MEGF6: variants seen among roughly 807,000 people sequenced by gnomAD.
MEGF6 encodes multiple EGF like domains 6.
MEGF6 carries 184 observed loss-of-function variants against 207.1 expected under a neutral mutation model. That is an observed-to-expected ratio of 0.89 (90% CI 0.79 to 1.00). The LOEUF (loss-of-function observed/expected upper bound fraction) is 1.00. Among genes scored for constraint, MEGF6 ranks in the 50% least tolerant of loss-of-function variants. The pLI, the probability that MEGF6 is intolerant of heterozygous loss-of-function variation, is 0.00. For missense variants in MEGF6, 2,282 were observed against 2,202.9 expected, an observed-to-expected ratio of 1.04 and a Z score of -0.72; for synonymous variants, 1,038 against 910.0, an observed-to-expected ratio of 1.14 and a Z score of -2.53.
chr1:3,496,867 A>G lies in MEGF6; in HGVS notation c.3614-84T>C, dbSNP rs1044309525. ...AACACAGCAAGGCAGCTCTCATGAG[A>G]CCCCCACACCCTCCATCTTCCACCC... On this transcript the variant is annotated intron_variant, in intron 28 of 36. Transcript: ENST00000356575. 3.3e-6 allele frequency: 5 copies of G among 1,515,668 alleles called. No individual in the cohort carries two copies. In the African/African-American group the frequency reaches 6.9e-5, roughly 21 times the overall value. The allele number at this position is 1,515,668 out of a possible 1,614,324, so 93.9% of individuals were successfully genotyped here.
At position 3,489,320 on chromosome 1, in the gene MEGF6, G is replaced by C. The variant is rs1211615273; in HGVS notation, c.*1208C>G. ...CCTCAGCTACCTTGGCTGGTTTTAG[G>C]GTGATGGGGGCGGCAGCCCAGACCC... On this transcript the variant is annotated 3_prime_UTR_variant, in exon 37 of 37. Coordinates refer to ENST00000356575, the MANE Select transcript of MEGF6 (RefSeq NM_001409.4). Among the ~76,000 whole-genome samples, 2 of 152,242 alleles carry C rather than the reference G, an allele frequency of 1.3e-5. No homozygotes were observed. Among genetic ancestry groups the C allele is most frequent in the South Asian group, 4.1e-4 (2 of 4,838 alleles).
chr1:3,624,779 CGTT>C, the MEGF6 span: 18 of 193,082 alleles, frequency 9.3e-5, 1 homozygote, highest in South Asian at 3.4e-3. Context: ...CGCCCCTTCT[CGTT>C]GTGTAAACAG....
rs1266565883 is a variant in MEGF6 at position 3,556,304 on chromosome 1, G to A, written c.481+23521C>T. On this transcript the variant is annotated intron_variant, in intron 4 of 36. Transcript: ENST00000356575. The surrounding 1 kb of genome is among the most constrained non-coding windows in gnomAD (Gnocchi z 4.4). ...AGGCCAGGTCAGAATTAAACTCCAT[G>A]ATCTTGGCACAAAGACACCCCCATG... 6.6e-6 allele frequency among the ~76,000 whole-genome samples: 1 copy of A among 152,242 alleles called. No individual in the cohort carries two copies. Among genetic ancestry groups the A allele is most frequent in the African/African-American group, 2.4e-5 (1 of 41,464 alleles).
chr1:3,493,704 C>A, intron 34 of MEGF6, 67 bp downstream of exon 34: 1 of 1,572,266 alleles, frequency 6.4e-7, no homozygotes, highest in Non-Finnish European at 8.7e-7. Flanking sequence ...TAGGGCCCAA[C>A]CAATCAATAT....
intron 8 of MEGF6, 77 bp from the exon 9 acceptor site, chr1:3,511,764 C>T: frequency 1.3e-6 from 2 of 1,550,218 alleles, no homozygotes; most frequent in Non-Finnish European, 1.7e-6. Flanking sequence ...CCCCTACCTC[C>T]ACCCAGCAGC....
At chr1:3,533,428 G>T (rs778222641) in intron 4 of MEGF6, among the ~76,000 whole-genome samples, 4 of 152,220 alleles carry the variant, frequency 2.6e-5, no homozygotes, top group African/African-American at 9.6e-5. Context: ...CACCTTCCAC[G>T]CAGGGCAACA....
chr1:3,509,978 C>A lies in MEGF6; in HGVS notation c.1249G>T (p.Ala417Ser), dbSNP rs368634962. The part of the protein sequence containing the change: ...GCGCEDVDEC[A>S]SSRGGCEHHC... ...TGCTCGCAGCCGCCACGGCTGGAGG[C>A]GCACTCATCCACATCTGCGGGCGAC... Residue 417 changes from alanine (A) to serine (S), a missense_variant, in exon 11 of 37, where the codon GCC becomes TCC. By Grantham distance (99) the Ala-to-Ser change is moderately conservative (BLOSUM62 1). Transcript: ENST00000356575. 2 of 1,585,430 alleles carry A rather than the reference C, an allele frequency of 1.3e-6. No homozygotes were observed. The highest frequency in any genetic ancestry group is 1.8e-5 in the Admixed American group (1 of 56,596).
chr1:3,543,396 G>A (rs967674331), intron 4 of MEGF6, among the ~76,000 whole-genome samples: 1 of 152,168 alleles, frequency 6.6e-6, no homozygotes, highest in African/African-American at 2.4e-5. Context: ...GGCACCCCCT[G>A]AGCCATGCGC....
At chr1:3,538,462 G>A (rs1001594098) in intron 4 of MEGF6, among the ~76,000 whole-genome samples, 1 of 152,166 alleles carries the variant, frequency 6.6e-6, no homozygotes, top group Admixed American at 6.5e-5. Context: ...TGAAACCACC[G>A]CTGTTTCCGC....
intron 5 of MEGF6, among the ~76,000 whole-genome samples, chr1:3,518,752 T>C (rs897993314): frequency 6.6e-6 from 1 of 152,134 alleles, no homozygotes; most frequent in African/African-American, 2.4e-5. Flanking sequence ...TTTCTAGATC[T>C]TGAGTCTCCT....
upstream of MEGF6, among the ~76,000 whole-genome samples, chr1:3,612,578 A>T (rs540232169): frequency 6.6e-6 from 1 of 152,238 alleles, no homozygotes; most frequent in Non-Finnish European, 1.5e-5. Flanking sequence ...CTCATTAGCC[A>T]CACAAAGAGC....
chr1:3,501,861 G>A lies in MEGF6; in HGVS notation c.2249C>T (p.Pro750Leu), dbSNP rs767882443. Residue 750 changes from proline to leucine, a missense_variant, in exon 18 of 37, where the codon CCC becomes CTC. Physicochemically the swap from Pro to Leu is moderately conservative, Grantham distance 98 (BLOSUM62 -3). Transcript: ENST00000356575. Reference sequence around the variant, plus strand: ...GCACTGCCCCGTGACCCCGTGGCAGGGGGCCCCCCCACAGGAGCAGGAGCT... The same window carrying A: ...GCACTGCCCCGTGACCCCGTGGCAGAGGGCCCCCCCACAGGAGCAGGAGCT... ...CSSSCSCGGA[P>L]CHGVTGQCRC... 3 of 1,608,472 alleles carry A rather than the reference G, an allele frequency of 1.9e-6. No homozygotes were observed. Among genetic ancestry groups the A allele is most frequent in the Middle Eastern group, 1.7e-4 (1 of 6,042 alleles).
intron 2 of MEGF6, among the ~76,000 whole-genome samples, chr1:3,598,132 G>A (rs1014973743): frequency 6.6e-6 from 1 of 152,188 alleles, no homozygotes; most frequent in African/African-American, 2.4e-5. Context: ...TGCAGGGGCG[G>A]TGACCAGGGG....
At chr1:3,540,449 C>A (rs566484374) in intron 4 of MEGF6, among the ~76,000 whole-genome samples, 1 of 152,238 alleles carries the variant, frequency 6.6e-6, no homozygotes, top group East Asian at 1.9e-4. Flanking sequence ...GCTTTGCAAC[C>A]GGAAGGCCCA....
At chr1:3,503,915 C>T (rs778895250) in intron 17 of MEGF6, among the ~76,000 whole-genome samples, 2 of 152,166 alleles carry the variant, frequency 1.3e-5, no homozygotes, top group African/African-American at 2.4e-5. Flanking sequence ...TCTGCCAGTC[C>T]AGGTCAGGAG....
chr1:3,578,969 C>T (rs1179733084), intron 4 of MEGF6, among the ~76,000 whole-genome samples: 22 of 152,218 alleles, frequency 1.4e-4, no homozygotes, highest in Admixed American at 1.2e-3. Flanking sequence ...CCGATTTCCT[C>T]GAATCGCTTC....
At chr1:3,501,720 C>T (rs533973473) in intron 18 of MEGF6, 76 bp downstream of exon 18, 2 of 1,539,470 alleles carry the variant, frequency 1.3e-6, no homozygotes, top group African/African-American at 1.4e-5. Context: ...GGCTGGGGCC[C>T]CCACAGTTCA....
Position 3,494,636 on chromosome 1 carries a change from C to T in MEGF6, c.3977G>A (p.Trp1326Ter). 2 of 1,563,174 alleles carry T rather than the reference C, an allele frequency of 1.3e-6. No individual in the cohort carries two copies. The highest frequency in any genetic ancestry group is 1.7e-6 in the Non-Finnish European group (2 of 1,155,610). Residue 1326 changes from tryptophan to a stop codon, truncating the protein, a stop_gained, in exon 31 of 37, where the codon TGG (tryptophan) becomes TAG (stop). Transcript: ENST00000356575. LOFTEE classifies it high-confidence loss of function. ...SNGSCSCGLG[W>*]TGRHCELACP... ...ACCCAGCTCGCAGTGCCGCCCCGTC[C>T]AGCCCAGGCCACAGGAGCAGCTGCC...
intron 4 of MEGF6, among the ~76,000 whole-genome samples, chr1:3,575,439 T>G (rs1320489094): frequency 1.3e-5 from 2 of 152,158 alleles, no homozygotes; most frequent in African/African-American, 4.8e-5. Context: ...CCTGGACCAC[T>G]CTGGGAGACT....
Sources: allele counts gnomAD v4.1 joint callset (sites outside exome capture counted in the v4.1 genomes callset), GRCh38; gene constraint gnomAD v4.1.1; non-coding constraint Gnocchi (gnomAD v3.1); transcripts MANE v1.5; gene names NCBI Gene and HGNC (gene_info 2026-07-23, HGNC 2026-07-21).